The following KAZN variants were observed in gnomAD, a reference collection of about 807,000 sequenced individuals.
KAZN encodes kazrin.
Under a neutral mutation model 87.4 loss-of-function variants are expected in KAZN, and 40 were observed. The observed-to-expected ratio is 0.46, with a 90% confidence interval of 0.36 to 0.60. The LOEUF is 0.60. KAZN is among the 20% of genes least tolerant of loss of function. The pLI, the probability that KAZN is intolerant of heterozygous loss-of-function variation, is 0.00. For missense variants in KAZN, 898 were observed against 1,073.9 expected (o/e 0.84, Z 2.29); for synonymous variants, 466 against 458.3 (o/e 1.02, Z -0.22).
chr1:14,013,213 T>G (rs973240952), intron 1 of KAZN, among the ~76,000 whole-genome samples: 1 of 152,226 alleles, frequency 6.6e-6, no homozygotes, highest in Admixed American at 6.5e-5. Context: ...TTTCTCTGGT[T>G]TCTCTAAATG....
intron 2 of KAZN, among the ~76,000 whole-genome samples, chr1:14,414,325 G>A (rs1664563192): frequency 1.4e-5 from 2 of 144,476 alleles, no homozygotes; most frequent in African/African-American, 2.6e-5. Context: ...AGTATTTACT[G>A]CAGCACTATT....
At chr1:14,795,408 C>A (rs1313370997) in intron 1 of KAZN, among the ~76,000 whole-genome samples, 1 of 152,070 alleles carries the variant, frequency 6.6e-6, no homozygotes, top group Non-Finnish European at 1.5e-5. Flanking sequence ...GTGTCAGGCA[C>A]ATAGTAGGTA....
chr1:15,068,363 G>T (rs952320143), intron 8 of KAZN, among the ~76,000 whole-genome samples: 1 of 151,982 alleles, frequency 6.6e-6, no homozygotes, highest in African/African-American at 2.4e-5. Context: ...CGCCTCTGCC[G>T]CCCTGACTGT....
At chr1:14,413,189 TAGTG>T (rs1486768595) in intron 2 of KAZN, among the ~76,000 whole-genome samples, 1 of 151,598 alleles carries the variant, frequency 6.6e-6, no homozygotes, top group Non-Finnish European at 1.5e-5. Context: ...CATCATAAAT[TAGTG>T]AGAAAAAGAT....
At chr1:14,551,701 T>C (rs913696121) in intron 2 of KAZN, among the ~76,000 whole-genome samples, 1 of 152,182 alleles carries the variant, frequency 6.6e-6, no homozygotes. Context: ...TTCACAGATT[T>C]GAGACATCTA....
chr1:14,917,779 C>T (rs900187878), intron 1 of KAZN, among the ~76,000 whole-genome samples: 1 of 152,202 alleles, frequency 6.6e-6, no homozygotes, highest in Non-Finnish European at 1.5e-5. Flanking sequence ...AATGATCCTG[C>T]CTCCTGGTAT....
chr1:14,767,440 C>T (rs931945606), intron 1 of KAZN, among the ~76,000 whole-genome samples: 4 of 152,202 alleles, frequency 2.6e-5, no homozygotes, highest in African/African-American at 7.2e-5. Flanking sequence ...TTGAATCCCA[C>T]GGGGCAAGAA....
intron 2 of KAZN, among the ~76,000 whole-genome samples, chr1:14,512,070 G>A (rs987011097): frequency 1.3e-5 from 2 of 152,076 alleles, no homozygotes; most frequent in East Asian, 1.9e-4. Flanking sequence ...TGGCACAAAT[G>A]CATGTTGACA....
At chr1:14,028,771 A>G (rs1415245878) in intron 1 of KAZN, among the ~76,000 whole-genome samples, 1 of 152,116 alleles carries the variant, frequency 6.6e-6, no homozygotes, top group Non-Finnish European at 1.5e-5. Flanking sequence ...ATGATTTCCA[A>G]TTTCATCCAT....
At chr1:15,072,245 GA>G (rs558092313) in intron 8 of KAZN, among the ~76,000 whole-genome samples, 127 of 152,316 alleles carry the variant, frequency 8.3e-4, no homozygotes, top group South Asian at 4.6e-3. Context: ...TATTCTCTGT[GA>G]TTTGTAACAC....
chr1:15,086,116 G>A (rs12033638), intron 8 of KAZN, among the ~76,000 whole-genome samples: 12,999 of 151,878 alleles, frequency 0.086, 1,465 homozygotes, highest in African/African-American at 0.26. Context: ...GATTACAGGC[G>A]CCCCCGACCA....
intron 1 of KAZN, among the ~76,000 whole-genome samples, chr1:13,964,706 T>C (rs1463546414): frequency 6.6e-6 from 1 of 152,206 alleles, no homozygotes; most frequent in South Asian, 2.1e-4. Flanking sequence ...TTTTGCCGCA[T>C]TCTGTCAGCC....
chr1:14,084,702 G>A (rs1391293609), intron 1 of KAZN, among the ~76,000 whole-genome samples: 1 of 144,898 alleles, frequency 6.9e-6, no homozygotes, highest in Non-Finnish European at 1.5e-5. Flanking sequence ...CATTAAAAAT[G>A]TACATGTGTG....
intron 10 of KAZN, among the ~76,000 whole-genome samples, chr1:15,100,962 C>T (rs551140059): frequency 6.6e-6 from 1 of 152,168 alleles, no homozygotes; most frequent in Non-Finnish European, 1.5e-5. Context: ...CTCGGGGATG[C>T]TGTGGAGGCC....
chr1:14,185,045 C>T (rs761998998), intron 2 of KAZN, among the ~76,000 whole-genome samples: 3 of 152,118 alleles, frequency 2.0e-5, no homozygotes, highest in Non-Finnish European at 4.4e-5. Flanking sequence ...ATGAATGTGA[C>T]CTGGTTAGCC....
At chr1:14,206,966 TTTC>T (rs1475544914) in intron 2 of KAZN, among the ~76,000 whole-genome samples, 10 of 15,318 alleles carry the variant, frequency 6.5e-4, no homozygotes, top group African/African-American at 2.5e-3. Context: ...TTTTTCTTTC[TTTC>T]TTTTTTTTTT....
intron 1 of KAZN, among the ~76,000 whole-genome samples, chr1:14,849,617 C>T (rs1339092360): frequency 6.6e-6 from 1 of 152,232 alleles, no homozygotes; most frequent in Non-Finnish European, 1.5e-5. Context: ...AATACTGGCG[C>T]AGCTGAATTG....
intron 1 of KAZN, among the ~76,000 whole-genome samples, chr1:14,124,609 A>G (rs1005360164): frequency 6.6e-6 from 1 of 152,224 alleles, no homozygotes; most frequent in Non-Finnish European, 1.5e-5. Flanking sequence ...ATCTTTTCTT[A>G]TTTATTGCTT....
At chr1:14,154,017 A>AT (rs932614708) in intron 1 of KAZN, among the ~76,000 whole-genome samples, 1 of 151,598 alleles carries the variant, frequency 6.6e-6, no homozygotes. Flanking sequence ...AAATTTTAGG[A>AT]TTTTTTTTCT....
Sources: gnomAD v4.1 joint callset for allele counts (sites outside exome capture counted in the v4.1 genomes callset) on GRCh38, gnomAD v4.1.1 for gene constraint, MANE v1.5 for transcripts, NCBI Gene and HGNC (gene_info 2026-07-23, HGNC 2026-07-21) for gene names.